The following TMEM117 variants were observed in gnomAD, a reference collection of about 807,000 sequenced individuals.
The protein encoded by TMEM117 is transmembrane protein 117.
Under a neutral mutation model 52.4 loss-of-function variants are expected in TMEM117, and 27 were observed. That is an observed-to-expected ratio of 0.51 (90% CI 0.38 to 0.71). TMEM117 has a LOEUF of 0.71. Ranked by LOEUF, TMEM117 falls within the 30% of genes least tolerant of loss-of-function variation. TMEM117 has a pLI of 0.00. For synonymous variants in TMEM117, 215 were observed against 206.3 expected (o/e 1.04, Z -0.36); for missense variants, 556 against 630.5 (o/e 0.88, Z 1.26).
At chr12:43,829,340 C>T in the TMEM117 span, among the ~76,000 whole-genome samples, 1 of 152,178 alleles carries the variant, frequency 6.6e-6, no homozygotes, top group Non-Finnish European at 1.5e-5. Context: ...CATCTATTGT[C>T]TGCTCATTTA....
chr12:43,858,013 G>T (rs1943429594), intron 2 of TMEM117, among the ~76,000 whole-genome samples: 1 of 152,158 alleles, frequency 6.6e-6, no homozygotes, highest in South Asian at 2.1e-4. Context: ...ATATGCAGAG[G>T]GTCAGACTGG....
At chr12:44,006,162 G>A (rs1220668166) in intron 3 of TMEM117, among the ~76,000 whole-genome samples, 2 of 152,106 alleles carry the variant, frequency 1.3e-5, no homozygotes, top group Non-Finnish European at 2.9e-5. Context: ...ATGAAAATCA[G>A]AAAAAGAACA....
chr12:43,807,609 G>C, the TMEM117 span, among the ~76,000 whole-genome samples: 10 of 152,126 alleles, frequency 6.6e-5, no homozygotes, highest in African/African-American at 2.4e-4. Flanking sequence ...CTAGTGCTTC[G>C]GGGAAATTGC....
At chr12:43,951,671 G>A (rs1945225062) in intron 3 of TMEM117, among the ~76,000 whole-genome samples, 1 of 152,178 alleles carries the variant, frequency 6.6e-6, no homozygotes, top group Non-Finnish European at 1.5e-5. Flanking sequence ...GTGGGGAGGG[G>A]TGGCCGTGGT....
chr12:43,903,075 A>G (rs1944330648), intron 2 of TMEM117, among the ~76,000 whole-genome samples: 1 of 152,194 alleles, frequency 6.6e-6, no homozygotes, highest in Non-Finnish European at 1.5e-5. Context: ...TCTGAAATTT[A>G]CTTGATTTTC....
intron 3 of TMEM117, among the ~76,000 whole-genome samples, chr12:44,094,166 T>G (rs760306164): frequency 1.4e-4 from 21 of 152,148 alleles, no homozygotes; most frequent in Non-Finnish European, 2.8e-4. Context: ...TTGATTCAAT[T>G]TAAAGGGCTG....
intron 5 of TMEM117, among the ~76,000 whole-genome samples, chr12:44,298,657 T>C (rs1295389038): frequency 2.0e-5 from 3 of 149,652 alleles, no homozygotes; most frequent in African/African-American, 7.7e-5. Flanking sequence ...TGCAAGATTT[T>C]ATGGGGGCTA....
intron 3 of TMEM117, among the ~76,000 whole-genome samples, chr12:44,016,150 C>G (rs1301691265): frequency 1.3e-5 from 2 of 152,172 alleles, no homozygotes; most frequent in African/African-American, 4.8e-5. Flanking sequence ...CCCCTGAACC[C>G]CACCTGGCTG....
intron 4 of TMEM117, among the ~76,000 whole-genome samples, chr12:44,200,273 A>G (rs2138366946): frequency 6.6e-6 from 1 of 152,324 alleles, no homozygotes; most frequent in East Asian, 1.9e-4. Flanking sequence ...TATACTGAGT[A>G]TTAAACAAAA....
chr12:44,262,752 A>AAT (rs1361505804), intron 5 of TMEM117, among the ~76,000 whole-genome samples: 2 of 152,064 alleles, frequency 1.3e-5, no homozygotes, highest in Admixed American at 1.3e-4. Context: ...ACGCCCGGCT[A>AAT]ATATTTTTGT....
At chr12:44,150,050 T>C (rs1370536337) in intron 4 of TMEM117, among the ~76,000 whole-genome samples, 1 of 152,214 alleles carries the variant, frequency 6.6e-6, no homozygotes, top group Non-Finnish European at 1.5e-5. Context: ...TTTTGCTGTC[T>C]TTCTCTGCCT....
At chr12:44,155,632 G>A (rs1492310) in intron 4 of TMEM117, among the ~76,000 whole-genome samples, 98,649 of 151,978 alleles carry the variant, frequency 0.65, 33,601 homozygotes, top group East Asian at 0.88. Flanking sequence ...TCATCTAGTA[G>A]AAGTGTGAAA....
intron 2 of TMEM117, among the ~76,000 whole-genome samples, chr12:43,929,580 G>C (rs1944839134): frequency 6.6e-6 from 1 of 152,064 alleles, no homozygotes; most frequent in Middle Eastern, 3.2e-3. Flanking sequence ...AGTTTTGTAA[G>C]TTTTTGACAT....
At chr12:43,983,069 T>C (rs1769869211) in intron 3 of TMEM117, among the ~76,000 whole-genome samples, 1 of 152,284 alleles carries the variant, frequency 6.6e-6, no homozygotes, top group African/African-American at 2.4e-5. Flanking sequence ...TGCTGATCTG[T>C]GGGCCAGCAA....
At chr12:44,367,600 G>A (rs945929753) in intron 6 of TMEM117, among the ~76,000 whole-genome samples, 3 of 151,934 alleles carry the variant, frequency 2.0e-5, no homozygotes, top group Non-Finnish European at 2.9e-5. Flanking sequence ...GATTTTATCC[G>A]ATTCTGTGGC....
At chr12:44,129,633 T>C (rs1948383277) in intron 3 of TMEM117, among the ~76,000 whole-genome samples, 2 of 152,156 alleles carry the variant, frequency 1.3e-5, no homozygotes, top group African/African-American at 2.4e-5. Context: ...TTTTTATGGG[T>C]CTTTCAAATG....
chr12:43,798,462 G>GA, the TMEM117 span: 84 of 1,164,534 alleles, frequency 7.2e-5, no homozygotes, highest in Middle Eastern at 1.5e-3. Context: ...TGTTGCAACA[G>GA]AAAGTCCAAT....
At position 44,322,158 on chromosome 12, in the gene TMEM117, G is replaced by A. The variant is rs74562031; in HGVS notation, c.768+22419G>A. ...GAAGCTATGTTAGAGATATCTAACG[G>A]CCAACCAGCTCTGTCCATGGATATC... On this transcript the variant is annotated intron_variant, in intron 6 of 7. Coordinates refer to ENST00000266534, the MANE Select transcript of TMEM117 (RefSeq NM_032256.3). 1.8e-3 allele frequency among the ~76,000 whole-genome samples: 270 copies of A among 152,282 alleles called. 4 individuals carry two copies. In the East Asian group the frequency reaches 0.018, roughly 10 times the overall value.
At chr12:44,115,095 C>T (rs1226476421) in intron 3 of TMEM117, among the ~76,000 whole-genome samples, 1 of 152,144 alleles carries the variant, frequency 6.6e-6, no homozygotes, top group Non-Finnish European at 1.5e-5. Flanking sequence ...GTCATCTGTT[C>T]CTCCTTCTGC....
Sources: allele counts gnomAD v4.1 joint callset (sites outside exome capture counted in the v4.1 genomes callset), GRCh38; gene constraint gnomAD v4.1.1; transcripts MANE v1.5; gene names NCBI Gene and HGNC (gene_info 2026-07-23, HGNC 2026-07-21).